The following NPAS2 variants were observed in gnomAD, a reference collection of about 807,000 sequenced individuals.
NPAS2 encodes the protein neuronal PAS domain protein 2, also known as neuronal PAS domain-containing protein 2.
In NPAS2, 23 loss-of-function variants were observed where a neutral mutation model predicts 107.5. The observed-to-expected ratio is 0.21, with a 90% confidence interval of 0.15 to 0.30. The LOEUF (loss-of-function observed/expected upper bound fraction) is 0.30. NPAS2 is among the 10% of genes least tolerant of loss of function. NPAS2 has a pLI of 1.00. For missense variants in NPAS2, 756 were observed against 1,043.3 expected (o/e 0.72, Z 3.79); for synonymous variants, 403 against 417.5 (o/e 0.97, Z 0.42).
At position 100,987,945 on chromosome 2, in the gene NPAS2, C is replaced by G. The variant is rs1573806155; in HGVS notation, c.1630-134C>G. The G allele has an allele frequency of 3.2e-6, 3 of 934,034 alleles. No homozygotes were observed. In the East Asian group the frequency reaches 7.3e-5, roughly 23 times the overall value. 57.9% of individuals were successfully genotyped at this position (934,034 alleles called of 1,614,324 possible). The stretch of plus-strand genomic sequence containing the variant: ...GGCATCACAGGTGCTCCATGTCCAC[C>G]AGTGGAGTAAATGAACTATTTCTAG... On this transcript the variant is annotated intron_variant, in intron 16 of 20. Coordinates refer to ENST00000335681, the MANE Select transcript of NPAS2 (RefSeq NM_002518.4).
At chr2:100,876,770 C>T (rs1054685991) in intron 1 of NPAS2, among the ~76,000 whole-genome samples, 6 of 152,078 alleles carry the variant, frequency 3.9e-5, no homozygotes, top group Admixed American at 6.5e-5. Flanking sequence ...AAACAGGTCC[C>T]GGAGCCATGC....
chr2:100,991,194 C>T (rs1030468455), intron 19 of NPAS2, among the ~76,000 whole-genome samples: 1 of 152,166 alleles, frequency 6.6e-6, no homozygotes, highest in Non-Finnish European at 1.5e-5. Flanking sequence ...TCCCCCTTCC[C>T]AAGGACCCTC....
intron 5 of NPAS2, among the ~76,000 whole-genome samples, chr2:100,938,774 T>C (rs1684517312): frequency 2.6e-5 from 4 of 151,830 alleles, no homozygotes; most frequent in Admixed American, 2.6e-4. Flanking sequence ...GCAGCTTCGA[T>C]CTGCACACAG....
intron 15 of NPAS2, among the ~76,000 whole-genome samples, chr2:100,980,757 C>A (rs545678149): frequency 1.3e-5 from 2 of 152,294 alleles, no homozygotes; most frequent in East Asian, 3.9e-4. Flanking sequence ...AGGCATGAGT[C>A]ACCGCCCCAG....
At chr2:100,833,606 G>T (rs923828586) in intron 1 of NPAS2, among the ~76,000 whole-genome samples, 1 of 152,182 alleles carries the variant, frequency 6.6e-6, no homozygotes, top group African/African-American at 2.4e-5. Flanking sequence ...GTTGCTTGGG[G>T]CTGCACAGTG....
At chr2:100,881,425 C>T (rs1279163165) in intron 1 of NPAS2, among the ~76,000 whole-genome samples, 1 of 152,256 alleles carries the variant, frequency 6.6e-6, no homozygotes, top group Non-Finnish European at 1.5e-5. Flanking sequence ...GGGGCTCACC[C>T]CTGTGCTCCC....
At chr2:100,955,570 A>G (rs1255382822) in intron 7 of NPAS2, among the ~76,000 whole-genome samples, 1 of 152,150 alleles carries the variant, frequency 6.6e-6, no homozygotes, top group African/African-American at 2.4e-5. Flanking sequence ...TATGCAGAAG[A>G]GCTGCAGTCA....
intron 5 of NPAS2, among the ~76,000 whole-genome samples, chr2:100,938,382 G>A (rs1252339895): frequency 6.6e-6 from 1 of 152,144 alleles, no homozygotes; most frequent in Non-Finnish European, 1.5e-5. Flanking sequence ...AGACCTTGGG[G>A]AGTGAGGAGT....
chr2:100,940,596 C>T (rs1031731399), intron 5 of NPAS2, among the ~76,000 whole-genome samples: 3 of 152,176 alleles, frequency 2.0e-5, no homozygotes, highest in African/African-American at 7.2e-5. Context: ...GTGCCTGGCC[C>T]AGAGCGAGGC....
At chr2:100,891,101 A>G (rs571748346) in intron 1 of NPAS2, among the ~76,000 whole-genome samples, 4 of 152,118 alleles carry the variant, frequency 2.6e-5, no homozygotes, top group East Asian at 1.9e-4. Context: ...GCGTGGTGGC[A>G]GGTGCCTGTA....
Position 100,982,289 on chromosome 2 carries a change from G to T in NPAS2, c.1541G>T (p.Arg514Leu). 6.2e-7 allele frequency: 1 copy of T among 1,614,158 alleles called. No homozygotes were observed. Among genetic ancestry groups the T allele is most frequent in the African/African-American group, 1.3e-5 (1 of 75,038 alleles). ...TIKDQLEQRT[R>L]ILQANIRWQQ... is the part of the protein sequence containing the mutation. ...AAAGACCAGCTAGAGCAGCGGACGC[G>T]GATCCTGCAGGCCAATATCCGGTGG... Residue 514 changes from arginine (R) to leucine (L), a missense_variant, in exon 16 of 21, where the codon CGG becomes CTG. Around this residue, in one of 4 missense-constraint regions of NPAS2, gnomAD observed 496 missense variants for 594.4 expected, o/e 0.83. Transcript: ENST00000335681.
chr2:100,937,310 C>T (rs961633085), intron 4 of NPAS2, among the ~76,000 whole-genome samples: 1 of 152,206 alleles, frequency 6.6e-6, no homozygotes, highest in African/African-American at 2.4e-5. Context: ...GTTTTTAATG[C>T]ATCTGTTAGG....
At chr2:100,862,490 A>G (rs1465336976) in intron 1 of NPAS2, among the ~76,000 whole-genome samples, 1 of 152,168 alleles carries the variant, frequency 6.6e-6, no homozygotes, top group African/African-American at 2.4e-5. Flanking sequence ...AAGGGCTGGT[A>G]TTAACCATAG....
At chr2:100,963,662 C>T (rs550032685) in intron 7 of NPAS2, among the ~76,000 whole-genome samples, 19 of 152,258 alleles carry the variant, frequency 1.2e-4, no homozygotes, top group South Asian at 6.2e-4. Context: ...GTGATCTTCC[C>T]GCCTCAGCCT....
intron 2 of NPAS2, among the ~76,000 whole-genome samples, chr2:100,924,699 C>G (rs1351292161): frequency 1.3e-5 from 2 of 151,766 alleles, no homozygotes; most frequent in African/African-American, 2.4e-5. Context: ...AGGACATATG[C>G]ACTGGTGGCA....
intron 1 of NPAS2, among the ~76,000 whole-genome samples, chr2:100,839,279 C>A (rs1472350178): frequency 6.6e-6 from 1 of 152,146 alleles, no homozygotes; most frequent in Non-Finnish European, 1.5e-5. Flanking sequence ...CAGGTACCTA[C>A]CACCATACCC....
chr2:100,914,914 C>T (rs942640674), intron 2 of NPAS2, among the ~76,000 whole-genome samples: 2 of 152,046 alleles, frequency 1.3e-5, no homozygotes, highest in African/African-American at 2.4e-5. Flanking sequence ...AAACCAGCAG[C>T]GAGTTCACCA....
intron 10 of NPAS2, among the ~76,000 whole-genome samples, chr2:100,967,678 G>T (rs1487141087): frequency 6.6e-6 from 1 of 152,142 alleles, no homozygotes; most frequent in African/African-American, 2.4e-5. Context: ...GCCCAGGCTT[G>T]ATACACCATC....
intron 19 of NPAS2, 144 bp downstream of exon 19, chr2:100,991,016 A>G: frequency 1.5e-6 from 1 of 685,864 alleles, no homozygotes. Context: ...TGTGAAGGGG[A>G]CGCTGCCCCT....
Sources: gnomAD v4.1 joint callset for allele counts (sites outside exome capture counted in the v4.1 genomes callset) on GRCh38, gnomAD v4.1.1 for gene constraint, gnomAD v4.1.1 regional missense constraint, MANE v1.5 for transcripts, NCBI Gene and HGNC (gene_info 2026-07-23, HGNC 2026-07-21) for gene names.